Variants in WDFY1 observed in about 807,000 individuals in gnomAD.
WDFY1 encodes WD repeat and FYVE domain-containing protein 1.
In WDFY1, 32 loss-of-function variants were observed where a neutral mutation model predicts 56.4. That is an observed-to-expected ratio of 0.57 (90% CI 0.43 to 0.76). The LOEUF (loss-of-function observed/expected upper bound fraction) is 0.76. WDFY1 is among the 30% of genes least tolerant of loss of function. The pLI is 0.00. For synonymous variants in WDFY1, 192 were observed against 197.3 expected (o/e 0.97, Z 0.23); for missense variants, 480 against 545.7 (o/e 0.88, Z 1.20).
intron 8 of WDFY1, among the ~76,000 whole-genome samples, chr2:223,891,988 A>G (rs906361646): frequency 6.6e-6 from 1 of 152,042 alleles, no homozygotes; most frequent in Non-Finnish European, 1.5e-5. Context: ...ATATATACAT[A>G]TTTTTTAGAT....
At chr2:223,912,775 G>T (rs1468209016) in intron 2 of WDFY1, among the ~76,000 whole-genome samples, 1 of 152,186 alleles carries the variant, frequency 6.6e-6, no homozygotes, top group African/African-American at 2.4e-5. Flanking sequence ...CATATGTGAG[G>T]TGCAGATATA....
At chr2:223,888,142 C>G (rs1693203818) in intron 8 of WDFY1, among the ~76,000 whole-genome samples, 1 of 152,020 alleles carries the variant, frequency 6.6e-6, no homozygotes, top group Non-Finnish European at 1.5e-5. Context: ...ACTGCAGGGG[C>G]ACAATCATGG....
intron 8 of WDFY1, among the ~76,000 whole-genome samples, chr2:223,885,667 A>G (rs1403260365): frequency 6.6e-6 from 1 of 152,222 alleles, no homozygotes; most frequent in Non-Finnish European, 1.5e-5. Flanking sequence ...CCAGTTGAGT[A>G]GAAACCCAGT....
At chr2:223,882,102 G>T in intron 9 of WDFY1, 30 bp from the exon 10 acceptor site, 1 of 1,603,436 alleles carries the variant, frequency 6.2e-7, no homozygotes, top group South Asian at 1.1e-5. Context: ...GAGGAAAACA[G>T]GGTGTTAGCT....
chr2:223,898,920 T>G, intron 6 of WDFY1, 38 bp downstream of exon 6: 1 of 1,555,060 alleles, frequency 6.4e-7, no homozygotes, highest in Non-Finnish European at 8.9e-7. Context: ...GATGTCCAAG[T>G]TAGGCAAAAA....
chr2:223,920,067 A>G (rs1693863672), intron 1 of WDFY1, among the ~76,000 whole-genome samples: 1 of 152,258 alleles, frequency 6.6e-6, no homozygotes, highest in Admixed American at 6.5e-5. Context: ...CCACGTCCTC[A>G]TTCACACTGG....
Position 223,876,916 on chromosome 2 carries a change from A to T in WDFY1, c.*1755T>A, listed in dbSNP as rs528343781. On this transcript the variant is annotated 3_prime_UTR_variant, in exon 12 of 12. Coordinates refer to ENST00000233055, the MANE Select transcript of WDFY1 (RefSeq NM_020830.5). ...TAATACAGGAAGCTTAACATTCAACATTGTGCTTGAACAAAACTTACCACT... is the reference window on the plus strand; with the variant it reads ...TAATACAGGAAGCTTAACATTCAACTTTGTGCTTGAACAAAACTTACCACT... The T allele has an allele frequency of 6.6e-6, 1 of 152,214 alleles. No individual in the cohort carries two copies. Among genetic ancestry groups the T allele is most frequent in the East Asian group, 1.9e-4 (1 of 5,206 alleles). 9.4% of individuals were successfully genotyped at this position (152,214 alleles called of 1,614,324 possible).
intron 1 of WDFY1, among the ~76,000 whole-genome samples, chr2:223,921,512 C>A (rs1693884434): frequency 6.6e-6 from 1 of 151,988 alleles, no homozygotes; most frequent in Non-Finnish European, 1.5e-5. Flanking sequence ...TTTTAGAGGT[C>A]TATCCAGCAA....
chr2:223,897,369 TATATATATATATA>T lies in WDFY1; in HGVS notation c.598+1576_598+1588del, dbSNP rs1237067886. ...AATTTCGCATATATATATATATATATATATATATATATATATATATATTTTTTAAGACGGAGTC... is the reference window on the plus strand; with the variant it reads ...AATTTCGCATATATATATATATATATTATATATATTTTTTAAGACGGAGTC... On this transcript the variant is annotated intron_variant, in intron 6 of 11. Coordinates refer to ENST00000233055, the MANE Select transcript of WDFY1 (RefSeq NM_020830.5). Among the ~76,000 whole-genome samples the T allele has an allele frequency of 1.6e-3, 107 of 66,066 alleles. 4 individuals carry two copies. The highest frequency in any genetic ancestry group is 4.6e-3 in the African/African-American group (65 of 14,112). The allele number at this position is 66,066 out of a possible 152,430, so 43.3% of individuals were successfully genotyped here.
Position 223,876,002 on chromosome 2 carries a change from C to G in WDFY1, c.*2669G>C, listed in dbSNP as rs1692963893. On this transcript the variant is annotated 3_prime_UTR_variant, in exon 12 of 12. Transcript: ENST00000233055. ...CTAGAGCAATAGTATTTCTTTATAT[C>G]CTTTAGGTAGCAGGACAGAGCTAGG... 6.6e-6 allele frequency: 1 copy of G among 152,044 alleles called. No homozygotes were observed. The highest frequency in any genetic ancestry group is 2.4e-5 in the African/African-American group (1 of 41,412). The allele number at this position is 152,044 out of a possible 1,614,324, so 9.4% of individuals were successfully genotyped here. A position where few individuals can be genotyped will look rare whatever the true frequency, so the allele number is the denominator to read the frequency against.
intron 4 of WDFY1, 122 bp downstream of exon 4, chr2:223,905,825 T>G: frequency 1.6e-6 from 1 of 624,534 alleles, no homozygotes; most frequent in Non-Finnish European, 2.5e-6. Context: ...GTCTCTTGCA[T>G]AGTGGGGGTA....
At chr2:223,944,889 A>C (rs1052576776) in intron 1 of WDFY1, among the ~76,000 whole-genome samples, 5 of 149,554 alleles carry the variant, frequency 3.3e-5, no homozygotes, top group African/African-American at 2.5e-5. Context: ...CCCGGGCTGG[A>C]GGGGCGCGGT....
chr2:223,895,855 A>G (rs1327956780), intron 6 of WDFY1, among the ~76,000 whole-genome samples: 2 of 151,962 alleles, frequency 1.3e-5, no homozygotes, highest in East Asian at 1.9e-4. Flanking sequence ...ACAATTTTCA[A>G]TTATGCATCA....
At position 223,929,193 on chromosome 2, in the gene WDFY1, T is replaced by TTTGTTG. The variant is rs201000256; in HGVS notation, c.138-11184_138-11183insCAACAA. ...TTTTTTTTCTTTCTGTTTTTTGTTTTTTTTTTTTTTTGAGACAGAGTTTTG... is the reference window on the plus strand; with the variant it reads ...TTTTTTTTCTTTCTGTTTTTTGTTTTTTGTTGTTTTTTTTTTTGAGACAGAGTTTTG... On this transcript the variant is annotated intron_variant, in intron 1 of 11. Coordinates refer to ENST00000233055, the MANE Select transcript of WDFY1 (RefSeq NM_020830.5). Among the ~76,000 whole-genome samples the TTTGTTG allele has an allele frequency of 5.1e-4, 70 of 136,390 alleles. No homozygotes were observed. The East Asian group carries it at 9.2e-3, about 18-fold the overall frequency. The allele number at this position is 136,390 out of a possible 152,430, so 89.5% of individuals were successfully genotyped here.
chr2:223,884,602 T>C, intron 9 of WDFY1, 46 bp downstream of exon 9: 1 of 1,576,302 alleles, frequency 6.3e-7, no homozygotes, highest in Admixed American at 1.7e-5. Context: ...ATGCAAATAG[T>C]GAAATACACA....
intron 3 of WDFY1, among the ~76,000 whole-genome samples, chr2:223,908,985 C>T (rs1393556049): frequency 1.3e-5 from 2 of 152,150 alleles, no homozygotes; most frequent in Non-Finnish European, 2.9e-5. Flanking sequence ...CACTGGGGTC[C>T]GGAGGCAGCC....
intron 1 of WDFY1, among the ~76,000 whole-genome samples, chr2:223,938,746 C>A (rs1689244536): frequency 6.6e-6 from 1 of 151,726 alleles, no homozygotes; most frequent in African/African-American, 2.4e-5. Context: ...CCGTATCTAG[C>A]TTTGTCATAT....
At chr2:223,928,766 C>T (rs1449726823) in intron 1 of WDFY1, among the ~76,000 whole-genome samples, 2 of 152,198 alleles carry the variant, frequency 1.3e-5, no homozygotes, top group Non-Finnish European at 2.9e-5. Context: ...AGTTGTCCAT[C>T]GCTGAGTACA....
In WDFY1 at chr2:223,880,021, T is replaced by G. The variant is rs942173756; in HGVS notation, c.1173+103A>C. 1.1e-5 allele frequency: 11 copies of G among 1,004,602 alleles called. No homozygotes were observed. In the African/African-American group the frequency reaches 1.5e-4, roughly 13 times the overall value. 62.2% of individuals were successfully genotyped at this position (1,004,602 alleles called of 1,614,324 possible). On this transcript the variant is annotated intron_variant, in intron 11 of 11. Coordinates refer to ENST00000233055, the MANE Select transcript of WDFY1 (RefSeq NM_020830.5). Reference sequence around the variant, plus strand: ...AGGTTTTAAACTGGCAATCATTTGCTTATAAAGCTTGCCAGTCAGAAAGAG... The same window carrying G: ...AGGTTTTAAACTGGCAATCATTTGCGTATAAAGCTTGCCAGTCAGAAAGAG...
Sources: allele counts gnomAD v4.1 joint callset (sites outside exome capture counted in the v4.1 genomes callset), GRCh38; gene constraint gnomAD v4.1.1; transcripts MANE v1.5; gene names NCBI Gene and HGNC (gene_info 2026-07-23, HGNC 2026-07-21).